Variants in ADGRV1 observed in about 807,000 individuals in gnomAD.
ADGRV1 encodes the protein G-protein coupled receptor 98.
Under a neutral mutation model 596.2 loss-of-function variants are expected in ADGRV1, and 359 were observed. The observed-to-expected ratio is 0.60, with a 90% CI of 0.55 to 0.66. The LOEUF (loss-of-function observed/expected upper bound fraction) is 0.66, where lower values mean the gene tolerates loss of function less well. Among genes scored for constraint, ADGRV1 ranks in the 30% least tolerant of loss-of-function variants. ADGRV1 has a pLI of 0.00. For missense variants in ADGRV1, 7,274 were observed against 7,575.6 expected, an observed-to-expected ratio of 0.96 and a Z score of 1.48; for synonymous variants, 2,681 against 2,679.2, an observed-to-expected ratio of 1.00 and a Z score of -0.02.
chr5:90,711,032 G>A lies in ADGRV1; in HGVS notation c.8876G>A (p.Arg2959Gln), dbSNP rs73175207. ...QVIIDANDGARGVIEWQQSRF... is the reference protein window; with the variant it reads ...QVIIDANDGAQGVIEWQQSRF... ...ATTATTGATGCCAATGATGGGGCCC[G>A]AGGTGTAATTGAATGGCAACAAAGC... Residue 2959 changes from arginine (R) to glutamine (Q), a missense_variant, in exon 40 of 90, where the codon CGA (arginine) becomes CAA (glutamine). By Grantham distance (43) the Arg-to-Gln change is conservative (BLOSUM62 1). Around this residue, in one of 5 missense-constraint regions of ADGRV1, gnomAD observed 3,643 missense variants for 3,809.2 expected, o/e 0.96. Transcript: ENST00000405460. The A allele has an allele frequency of 4.6e-3, 7,490 of 1,610,828 alleles. 305 individuals carry two copies. In the African/African-American group the frequency reaches 0.089, roughly 19 times the overall value.
At chr5:90,596,111 G>C (rs1218965193) in intron 1 of ADGRV1, among the ~76,000 whole-genome samples, 2 of 150,446 alleles carry the variant, frequency 1.3e-5, no homozygotes, top group African/African-American at 4.9e-5. Flanking sequence ...ACTCCCAGAT[G>C]GGGTGGCGGC....
At chr5:90,569,373 ATATATATATATATATTTTTTTTTTT>A (rs1756121633) in intron 1 of ADGRV1, among the ~76,000 whole-genome samples, 1 of 20,344 alleles carries the variant, frequency 4.9e-5, no homozygotes, top group South Asian at 2.0e-3. Flanking sequence ...ATATATATAT[ATATATATATATATATTTTTTTTTTT>A]TTTTTTTTTT....
Position 90,676,066 on chromosome 5 carries a change from C to G in ADGRV1, c.5314-14C>G, listed in dbSNP as rs1232940769. The G allele has an allele frequency of 1.9e-6, 3 of 1,583,580 alleles. No homozygotes were observed. The African/African-American group carries it at 4.0e-5, about 21-fold the overall frequency. Reference sequence around the variant, plus strand: ...AATGATTGTAATCTAATGGATCAGTCTTTTATATTTCAGAATGTTGCTGGC... The same window carrying G: ...AATGATTGTAATCTAATGGATCAGTGTTTTATATTTCAGAATGTTGCTGGC... On this transcript the variant is annotated splice_polypyrimidine_tract_variant and intron_variant, in intron 24 of 89. Transcript: ENST00000405460.
intron 75 of ADGRV1, among the ~76,000 whole-genome samples, chr5:90,823,176 A>G (rs1223182391): frequency 3.3e-5 from 5 of 152,238 alleles, no homozygotes; most frequent in Non-Finnish European, 7.3e-5. Flanking sequence ...GTATTAGGAT[A>G]CTTATTCATT....
intron 83 of ADGRV1, among the ~76,000 whole-genome samples, chr5:90,963,673 A>G (rs1778211334): frequency 6.6e-6 from 1 of 151,890 alleles, no homozygotes; most frequent in African/African-American, 2.4e-5. Context: ...CTTGGAGTAG[A>G]AAGGGACTTT....
chr5:90,691,371 T>G (rs1746447612), intron 31 of ADGRV1, among the ~76,000 whole-genome samples: 1 of 145,008 alleles, frequency 6.9e-6, no homozygotes, highest in Non-Finnish European at 1.5e-5. Flanking sequence ...ATTTGCTCTG[T>G]ATAAACTTTT....
intron 9 of ADGRV1, among the ~76,000 whole-genome samples, chr5:90,631,602 C>G (rs1031064584): frequency 6.6e-6 from 1 of 152,086 alleles, no homozygotes; most frequent in East Asian, 1.9e-4. Context: ...TCATGTGATG[C>G]GAGCTTCTGC....
intron 45 of ADGRV1, among the ~76,000 whole-genome samples, chr5:90,723,688 A>G (rs1272926137): frequency 2.6e-5 from 4 of 152,204 alleles, no homozygotes. Context: ...TTGCTATTGG[A>G]TATTACATGT....
intron 21 of ADGRV1, among the ~76,000 whole-genome samples, chr5:90,668,585 C>T (rs1771940630): frequency 6.7e-6 from 1 of 149,486 alleles, no homozygotes; most frequent in Non-Finnish European, 1.5e-5. Flanking sequence ...GTTGCTCATG[C>T]TGGGAGCTGT....
chr5:90,627,482 A>C lies in ADGRV1; in HGVS notation c.944A>C (p.His315Pro), dbSNP rs1325877739. Residue 315 changes from histidine to proline, a missense_variant, in exon 7 of 90, where the codon CAT (histidine) becomes CCT (proline). This residue lies in a region of ADGRV1 where 1,715 missense variants were observed against 1,708.8 expected (regional missense o/e 1.00). Transcript: ENST00000405460. ...YAVTTGNSTA[H>P]AQQNLDFIDL... ...GTCACAACTGGGAATTCCACAGCAC[A>C]TGCCCAGCAAAATCTGGACTTCATT... The C allele has an allele frequency of 3.7e-6, 6 of 1,614,008 alleles. No individual in the cohort carries two copies. The highest frequency in any genetic ancestry group is 1.7e-5 in the Admixed American group (1 of 60,022).
At chr5:91,054,102 T>TGAGAGAGA (rs3079380) in intron 85 of ADGRV1, among the ~76,000 whole-genome samples, 107 of 126,724 alleles carry the variant, frequency 8.4e-4, no homozygotes, top group Middle Eastern at 8.0e-3. Flanking sequence ...TGTGTGTGTG[T>TGAGAGAGA]GAGAGAGAGA....
chr5:90,679,762 C>A (rs891521427), intron 26 of ADGRV1, 133 bp downstream of exon 26: 5 of 570,848 alleles, frequency 8.8e-6, no homozygotes, highest in Non-Finnish European at 1.5e-5. Flanking sequence ...TTAACTGTCA[C>A]AGAAACTTTA....
chr5:90,634,504 A>G (rs1765894769), intron 9 of ADGRV1, among the ~76,000 whole-genome samples: 1 of 152,232 alleles, frequency 6.6e-6, no homozygotes, highest in Admixed American at 6.5e-5. Context: ...CTTTAAATGT[A>G]AAGATGCATG....
chr5:90,704,894 G>A lies in ADGRV1; in HGVS notation c.8386+406G>A, dbSNP rs113477398. Among the ~76,000 whole-genome samples the A allele has an allele frequency of 1.8e-4, 27 of 151,678 alleles. 1 individual carries two copies. The highest frequency in any genetic ancestry group is 6.0e-4 in the African/African-American group (25 of 41,342). On this transcript the variant is annotated intron_variant, in intron 36 of 89. Coordinates refer to ENST00000405460, the MANE Select transcript of ADGRV1 (RefSeq NM_032119.4). ...GGCGCGATCTCGGTTCACTGCAGCC[G>A]CCGCCTCCCGGGTTCAAGCGATTCT...
At chr5:90,713,021 G>A (rs1268257114) in intron 42 of ADGRV1, among the ~76,000 whole-genome samples, 1 of 152,104 alleles carries the variant, frequency 6.6e-6, no homozygotes, top group African/African-American at 2.4e-5. Context: ...GAGAAAACTC[G>A]GGAACATACA....
In ADGRV1 at chr5:90,683,799, G is replaced by A; in HGVS notation, c.5878G>A (p.Gly1960Arg). The change falls in exon 28 of 90, where the codon GGA (glycine) becomes AGA (arginine). Residue 1960 changes from glycine (G) to arginine (R), a missense_variant. Around this residue, in one of 5 missense-constraint regions of ADGRV1, gnomAD observed 3,643 missense variants for 3,809.2 expected, o/e 0.96. Coordinates refer to ENST00000405460, the MANE Select transcript of ADGRV1 (RefSeq NM_032119.4). ...CCTCAGTGTTTCCAGTGGTTCTTTGGGAGCTCATATTAATGCCACGTTAAC... is the reference window on the plus strand; with the variant it reads ...CCTCAGTGTTTCCAGTGGTTCTTTGAGAGCTCATATTAATGCCACGTTAAC... ...SVLSVSSGSL[G>R]AHINATLTVL... is the part of the protein sequence containing the mutation. 1 of 1,613,778 alleles carries A rather than the reference G, an allele frequency of 6.2e-7. No individual in the cohort carries two copies. Among genetic ancestry groups the A allele is most frequent in the Non-Finnish European group, 8.5e-7 (1 of 1,179,842 alleles).
intron 56 of ADGRV1, 156 bp downstream of exon 56, chr5:90,756,786 CA>C: frequency 1.3e-6 from 1 of 759,590 alleles, no homozygotes; most frequent in Non-Finnish European, 2.1e-6. Flanking sequence ...TGGGCTAGAC[CA>C]AAGGATTCAA....
At chr5:90,926,630 T>A (rs1388199470) in intron 83 of ADGRV1, among the ~76,000 whole-genome samples, 2 of 152,006 alleles carry the variant, frequency 1.3e-5, no homozygotes, top group Admixed American at 1.3e-4. Flanking sequence ...TGTCTCTGTT[T>A]CCTTCAGTTC....
intron 84 of ADGRV1, among the ~76,000 whole-genome samples, chr5:90,970,147 C>A (rs550709803): frequency 1.5e-4 from 23 of 152,308 alleles, no homozygotes; most frequent in South Asian, 1.5e-3. Flanking sequence ...AGTCTGAGAT[C>A]GAAGTGCAAG....
Sources: gnomAD v4.1 joint callset for allele counts (sites outside exome capture counted in the v4.1 genomes callset) on GRCh38, gnomAD v4.1.1 for gene constraint, gnomAD v4.1.1 regional missense constraint, MANE v1.5 for transcripts, NCBI Gene and HGNC (gene_info 2026-07-23, HGNC 2026-07-21) for gene names.